Variants in HCRTR2 observed in about 807,000 individuals in gnomAD.
HCRTR2 encodes orexin receptor type 2.
A neutral mutation model predicts 49.0 loss-of-function variants in HCRTR2; 22 were observed. That is an observed-to-expected ratio of 0.45 (90% confidence interval 0.32 to 0.64). The LOEUF (loss-of-function observed/expected upper bound fraction) is 0.64, where lower values mean the gene tolerates loss of function less well. HCRTR2 is among the 30% of genes least tolerant of loss of function. The pLI, the probability that HCRTR2 is intolerant of heterozygous loss-of-function variation, is 0.04. For synonymous variants in HCRTR2, 236 were observed against 205.3 expected, an observed-to-expected ratio of 1.15 and a Z score of -1.28; for missense variants, 491 against 559.4, an observed-to-expected ratio of 0.88 and a Z score of 1.23.
Position 55,279,452 on chromosome 6 carries a change from T to TTTATACCAGAAATGGTATAAGGTACACC in HCRTR2, c.984-856_984-829dup, listed in dbSNP as rs1213267325. 3.6e-4 allele frequency among the ~76,000 whole-genome samples: 54 copies of TTTATACCAGAAATGGTATAAGGTACACC among 151,786 alleles called. No individual in the cohort carries two copies. In the East Asian group the frequency reaches 9.0e-3, roughly 25 times the overall value. On this transcript the variant is annotated intron_variant, in intron 5 of 6. Transcript: ENST00000370862. ...GTATTTTTGTAAAACTCTAGTACTC[T>TTTATACCAGAAATGGTATAAGGTACACC]TTATACCAGAAATGGTATAAGGTAC...
At position 55,121,456 on chromosome 6, in the gene HCRTR2, T is replaced by A. The variant is rs1764198277; in HGVS notation, c.-378+14911T>A. 1.3e-5 allele frequency among the ~76,000 whole-genome samples: 2 copies of A among 152,168 alleles called. 1 individual carries two copies. On this transcript the variant is annotated intron_variant, in intron 1 of 7. Coordinates refer to the HCRTR2 transcript ENST00000615358. ...TTGACTTCCTCTTTTCTTAACTGAA[T>A]ATGCTTTATTTCTTTCTCTTGCCTG...
chr6:55,179,521 C>T (rs1765095877), intron 1 of HCRTR2, among the ~76,000 whole-genome samples: 1 of 152,056 alleles, frequency 6.6e-6, no homozygotes, highest in Non-Finnish European at 1.5e-5. Context: ...CCAATGATAA[C>T]TTTTAAGATG....
intron 2 of HCRTR2, among the ~76,000 whole-genome samples, chr6:55,250,116 T>C (rs1766520253): frequency 6.6e-6 from 1 of 152,136 alleles, no homozygotes; most frequent in African/African-American, 2.4e-5. Context: ...GTTTATAGAA[T>C]AGTAAGTGGA....
intron 4 of HCRTR2, among the ~76,000 whole-genome samples, chr6:55,266,952 A>G (rs1292170186): frequency 6.6e-6 from 1 of 152,184 alleles, no homozygotes; most frequent in African/African-American, 2.4e-5. Flanking sequence ...AATTATCCTC[A>G]TTAGTACAAG....
chr6:55,191,582 G>T (rs1444107009), intron 1 of HCRTR2, among the ~76,000 whole-genome samples: 1 of 151,980 alleles, frequency 6.6e-6, no homozygotes, highest in Non-Finnish European at 1.5e-5. Flanking sequence ...TAGTATCTCT[G>T]ATATATTAAA....
At chr6:55,265,387 T>TAC (rs1415940824) in intron 4 of HCRTR2, among the ~76,000 whole-genome samples, 1 of 152,140 alleles carries the variant, frequency 6.6e-6, no homozygotes, top group East Asian at 1.9e-4. Flanking sequence ...TCACTCCTAT[T>TAC]ACAGGTCAGT....
At chr6:55,174,298 C>T (rs201824178), upstream of HCRTR2, 2 of 464,826 alleles carry the variant, frequency 4.3e-6, no homozygotes, top group Admixed American at 6.7e-5. Context: ...CTGAGCCGGA[C>T]GTAGCTTTCT....
chr6:55,259,480 G>A (rs1581862501), intron 3 of HCRTR2, among the ~76,000 whole-genome samples: 1 of 151,964 alleles, frequency 6.6e-6, no homozygotes, highest in East Asian at 1.9e-4. Flanking sequence ...CCTGATAAGT[G>A]TACCATGAAA....
At chr6:55,126,429 A>T (rs1372178124) in intron 1 of HCRTR2, among the ~76,000 whole-genome samples, 1 of 152,140 alleles carries the variant, frequency 6.6e-6, no homozygotes, top group African/African-American at 2.4e-5. Context: ...TCACCAGAGG[A>T]GGCTGTAGAA....
intron 4 of HCRTR2, 100 bp from the exon 5 acceptor site, chr6:55,277,280 G>T: frequency 1.1e-6 from 1 of 936,154 alleles, no homozygotes; most frequent in Non-Finnish European, 1.7e-6. Flanking sequence ...CACACCTCAG[G>T]CGTCTGGAAG....
chr6:55,161,874 A>G (rs1197752276), intron 1 of HCRTR2, among the ~76,000 whole-genome samples: 1 of 152,174 alleles, frequency 6.6e-6, no homozygotes, highest in Non-Finnish European at 1.5e-5. Context: ...CCAGGACCAG[A>G]TGGATTCACA....
chr6:55,194,223 C>A (rs760508775), intron 1 of HCRTR2, among the ~76,000 whole-genome samples: 1 of 152,002 alleles, frequency 6.6e-6, no homozygotes, highest in African/African-American at 2.4e-5. Context: ...ATTGATAATA[C>A]CTTTAGGATG....
chr6:55,167,729 CAGGGTGTCTGGAATGGGCA>C (rs1764897916), intron 1 of HCRTR2, among the ~76,000 whole-genome samples: 1 of 152,144 alleles, frequency 6.6e-6, no homozygotes, highest in Non-Finnish European at 1.5e-5. Context: ...TAGTTTCTAG[CAGGGTGTCTGGAATGGGCA>C]AGTACCCCCA....
At chr6:55,260,994 C>A (rs1468651968) in intron 3 of HCRTR2, among the ~76,000 whole-genome samples, 1 of 152,034 alleles carries the variant, frequency 6.6e-6, no homozygotes, top group Non-Finnish European at 1.5e-5. Context: ...ATGGGATAAA[C>A]CCCCTTGTCA....
chr6:55,251,801 C>T (rs932039772), intron 2 of HCRTR2, among the ~76,000 whole-genome samples: 15 of 151,864 alleles, frequency 9.9e-5, no homozygotes, highest in African/African-American at 2.7e-4. Context: ...TTATCCTGTG[C>T]GAAGGGTGCC....
At chr6:55,177,165 C>A (rs563957300) in intron 1 of HCRTR2, among the ~76,000 whole-genome samples, 1 of 152,142 alleles carries the variant, frequency 6.6e-6, no homozygotes, top group African/African-American at 2.4e-5. Context: ...GTCCACAGCC[C>A]CAAGTGCTGA....
At chr6:55,274,844 C>T (rs1266406488) in intron 4 of HCRTR2, among the ~76,000 whole-genome samples, 1 of 151,984 alleles carries the variant, frequency 6.6e-6, no homozygotes, top group Non-Finnish European at 1.5e-5. Context: ...TAAATGTGAC[C>T]TCATGAAATT....
intron 1 of HCRTR2, among the ~76,000 whole-genome samples, chr6:55,120,414 T>C (rs1324594328): frequency 6.6e-6 from 1 of 152,108 alleles, no homozygotes; most frequent in Non-Finnish European, 1.5e-5. Flanking sequence ...TATTTGTTTG[T>C]GCCCTCTCTT....
intron 1 of HCRTR2, among the ~76,000 whole-genome samples, chr6:55,137,355 A>G (rs1215477474): frequency 6.6e-6 from 1 of 152,216 alleles, no homozygotes; most frequent in Admixed American, 6.5e-5. Context: ...TATTGCTCTG[A>G]GATTACGGAC....
Sources: gnomAD v4.1 joint callset for allele counts (sites outside exome capture counted in the v4.1 genomes callset) on GRCh38, gnomAD v4.1.1 for gene constraint, MANE v1.5 for transcripts, NCBI Gene and HGNC (gene_info 2026-07-23, HGNC 2026-07-21) for gene names.